NKAIN3: variants seen among roughly 807,000 people sequenced by gnomAD.
NKAIN3 encodes sodium/potassium-transporting ATPase subunit beta-1-interacting protein 3.
In NKAIN3, 25 loss-of-function variants were observed where a neutral mutation model predicts 30.2. The observed-to-expected ratio is 0.83, with a 90% CI of 0.60 to 1.16. The LOEUF (loss-of-function observed/expected upper bound fraction) is 1.16. Ranked by LOEUF, NKAIN3 falls within the 50% of genes most tolerant of loss-of-function variation. The pLI is 0.00. For synonymous variants in NKAIN3, 91 were observed against 89.6 expected (o/e 1.02, Z -0.09); for missense variants, 225 against 254.1 (o/e 0.89, Z 0.78).
At chr8:62,383,812 T>C (rs939748381) in intron 1 of NKAIN3, among the ~76,000 whole-genome samples, 2 of 152,110 alleles carry the variant, frequency 1.3e-5, no homozygotes, top group African/African-American at 4.8e-5. Flanking sequence ...CAAGAGAATA[T>C]GTATTTTGCA....
intron 1 of NKAIN3, among the ~76,000 whole-genome samples, chr8:62,433,854 G>C (rs2129597717): frequency 6.6e-6 from 1 of 152,162 alleles, no homozygotes; most frequent in Non-Finnish European, 1.5e-5. Context: ...CATAGCTAAG[G>C]AATCTGAAAG....
intron 1 of NKAIN3, among the ~76,000 whole-genome samples, chr8:62,289,669 G>T (rs1813516830): frequency 6.6e-6 from 1 of 152,142 alleles, no homozygotes; most frequent in African/African-American, 2.4e-5. Flanking sequence ...TTTGAAGTCA[G>T]GTAGGGTGAT....
At chr8:62,492,885 T>A (rs1807116720) in intron 1 of NKAIN3, among the ~76,000 whole-genome samples, 1 of 152,096 alleles carries the variant, frequency 6.6e-6, no homozygotes, top group Non-Finnish European at 1.5e-5. Flanking sequence ...ACCAACAGTA[T>A]GTAAGTGTTC....
At chr8:62,460,232 C>A (rs1022748862) in intron 1 of NKAIN3, among the ~76,000 whole-genome samples, 1 of 151,484 alleles carries the variant, frequency 6.6e-6, no homozygotes, top group Non-Finnish European at 1.5e-5. Flanking sequence ...GCTAACATGG[C>A]GAAACCCCGT....
At chr8:62,702,327 G>A (rs1814366075) in intron 3 of NKAIN3, among the ~76,000 whole-genome samples, 1 of 152,094 alleles carries the variant, frequency 6.6e-6, no homozygotes. Flanking sequence ...CACTCAGAAA[G>A]TATCCAGTTT....
At chr8:62,736,137 G>C (rs1815663662) in intron 3 of NKAIN3, among the ~76,000 whole-genome samples, 1 of 152,208 alleles carries the variant, frequency 6.6e-6, no homozygotes, top group Non-Finnish European at 1.5e-5. Flanking sequence ...CCAGGAGGTA[G>C]AGCTTTCAAG....
chr8:62,341,759 T>C (rs1815754225), intron 1 of NKAIN3, among the ~76,000 whole-genome samples: 1 of 151,962 alleles, frequency 6.6e-6, no homozygotes, highest in South Asian at 2.1e-4. Flanking sequence ...TTGTGAATAA[T>C]TGGCAGGCTT....
chr8:62,632,648 G>A (rs1253501090), intron 3 of NKAIN3, among the ~76,000 whole-genome samples: 1 of 152,020 alleles, frequency 6.6e-6, no homozygotes, highest in Non-Finnish European at 1.5e-5. Flanking sequence ...GATTACAGCC[G>A]TGTGCCACCA....
chr8:62,852,014 T>C (rs1819917457), intron 4 of NKAIN3, among the ~76,000 whole-genome samples: 1 of 149,596 alleles, frequency 6.7e-6, no homozygotes, highest in Non-Finnish European at 1.5e-5. Context: ...TTGATAGGAA[T>C]AGTTTAGAAG....
intron 1 of NKAIN3, among the ~76,000 whole-genome samples, chr8:62,522,046 G>T (rs1249750653): frequency 6.6e-6 from 1 of 152,120 alleles, no homozygotes; most frequent in Non-Finnish European, 1.5e-5. Context: ...TCACAAAGGT[G>T]AGAGTGAACA....
At chr8:62,524,440 C>A (rs192467413) in intron 1 of NKAIN3, among the ~76,000 whole-genome samples, 50 of 152,134 alleles carry the variant, frequency 3.3e-4, no homozygotes, top group African/African-American at 1.2e-3. Context: ...GACCAAATGG[C>A]AGTGAATTGA....
chr8:62,746,160 C>A (rs752509598), intron 3 of NKAIN3, among the ~76,000 whole-genome samples: 1 of 152,198 alleles, frequency 6.6e-6, no homozygotes, highest in Non-Finnish European at 1.5e-5. Context: ...TTCTTCCTGG[C>A]GTCTTCCCAC....
intron 1 of NKAIN3, among the ~76,000 whole-genome samples, chr8:62,293,829 C>T (rs1049827630): frequency 6.6e-6 from 1 of 152,200 alleles, no homozygotes; most frequent in Admixed American, 6.5e-5. Context: ...TGCCCTGCCC[C>T]CAGAGGTGGA....
intron 1 of NKAIN3, among the ~76,000 whole-genome samples, chr8:62,385,940 A>G (rs1314109464): frequency 2.0e-5 from 3 of 152,210 alleles, no homozygotes; most frequent in African/African-American, 2.4e-5. Context: ...TGCTCCTAGA[A>G]CTAGTGGTCA....
intron 1 of NKAIN3, among the ~76,000 whole-genome samples, chr8:62,509,493 T>C (rs1807753273): frequency 6.6e-6 from 1 of 152,064 alleles, no homozygotes; most frequent in Non-Finnish European, 1.5e-5. Flanking sequence ...AAAAACAGCC[T>C]TGGGTTTTGT....
intron 4 of NKAIN3, among the ~76,000 whole-genome samples, chr8:62,806,563 C>A (rs1818290239): frequency 6.6e-6 from 1 of 151,966 alleles, no homozygotes; most frequent in Non-Finnish European, 1.5e-5. Flanking sequence ...GACAAAAAAC[C>A]AAACACCGCA....
chr8:62,332,358 AGTC>A (rs1277330426), intron 1 of NKAIN3, among the ~76,000 whole-genome samples: 1 of 152,178 alleles, frequency 6.6e-6, no homozygotes, highest in Non-Finnish European at 1.5e-5. Context: ...AAAAATAAAA[AGTC>A]ATCATCAGAA....
chr8:62,366,187 A>C (rs1264364976), intron 1 of NKAIN3, among the ~76,000 whole-genome samples: 1 of 149,906 alleles, frequency 6.7e-6, no homozygotes, highest in Non-Finnish European at 1.5e-5. Flanking sequence ...TTGTTGGAGT[A>C]TAATTCTTTA....
intron 4 of NKAIN3, among the ~76,000 whole-genome samples, chr8:62,909,102 A>G (rs746943346): frequency 2.0e-5 from 3 of 152,180 alleles, no homozygotes; most frequent in Non-Finnish European, 4.4e-5. Flanking sequence ...ATTCTTAATA[A>G]GATTCACAAC....
Sources: allele counts gnomAD v4.1 joint callset (sites outside exome capture counted in the v4.1 genomes callset), GRCh38; gene constraint gnomAD v4.1.1; transcripts MANE v1.5; gene names NCBI Gene and HGNC (gene_info 2026-07-23, HGNC 2026-07-21).